CPS1: variants seen among roughly 807,000 people sequenced by gnomAD.
CPS1 encodes the protein carbamoyl-phosphate synthase [ammonia], mitochondrial.
In CPS1, 109 loss-of-function variants were observed where a neutral mutation model predicts 174.6. The ratio of observed to expected loss-of-function variants is 0.62; its 90% CI spans 0.53 to 0.73. The LOEUF (loss-of-function observed/expected upper bound fraction) is 0.73. Ranked by LOEUF, CPS1 falls within the 30% of genes least tolerant of loss-of-function variation. The pLI, the probability that CPS1 is intolerant of heterozygous loss-of-function variation, is 0.00. For synonymous variants in CPS1, 637 were observed against 632.0 expected, an observed-to-expected ratio of 1.01 and a Z score of -0.12; for missense variants, 1,689 against 1,821.9, an observed-to-expected ratio of 0.93 and a Z score of 1.33.
chr2:210,542,700 C>T (rs1297963558), intron 1 of CPS1, among the ~76,000 whole-genome samples: 1 of 152,032 alleles, frequency 6.6e-6, no homozygotes, highest in Non-Finnish European at 1.5e-5. Context: ...ACAAACGTGT[C>T]TTGGGCACCT....
At chr2:210,648,375 A>G (rs188424261) in intron 26 of CPS1, 98 bp from the exon 27 acceptor site, 395 of 1,026,920 alleles carry the variant, frequency 3.8e-4, no homozygotes, top group Non-Finnish European at 5.6e-4. Flanking sequence ...TTAGAGAATA[A>G]AGAAGCTGGG....
intron 2 of CPS1, 113 bp downstream of exon 2, chr2:210,573,520 C>G (rs1204394267): frequency 2.4e-6 from 2 of 848,512 alleles, no homozygotes; most frequent in Non-Finnish European, 4.0e-6. Context: ...TACGTATTGT[C>G]CTGAAGTTGC....
At chr2:210,482,247 G>A (rs1233764758) in intron 1 of CPS1, among the ~76,000 whole-genome samples, 1 of 151,974 alleles carries the variant, frequency 6.6e-6, no homozygotes, top group East Asian at 1.9e-4. Context: ...CAGGAGGTTT[G>A]GGTTGAATCT....
At chr2:210,608,036 G>A (rs1698979908) in intron 18 of CPS1, among the ~76,000 whole-genome samples, 1 of 151,864 alleles carries the variant, frequency 6.6e-6, no homozygotes, top group South Asian at 2.1e-4. Flanking sequence ...TCTCATCTTA[G>A]TGGAGGTTAA....
Position 210,642,466 on chromosome 2 carries a change from A to G in CPS1, c.2960-18A>G. On this transcript the variant is annotated intron_variant, in intron 24 of 37. Transcript: ENST00000233072. ...CGTGCTTCTCTTATCCCTTTTGCCAATCTCATTGTCTCTGCAGGCAGCAGT... is the reference window on the plus strand; with the variant it reads ...CGTGCTTCTCTTATCCCTTTTGCCAGTCTCATTGTCTCTGCAGGCAGCAGT... 3.1e-6 allele frequency: 5 copies of G among 1,613,838 alleles called. No homozygotes were observed. Among genetic ancestry groups the G allele is most frequent in the Non-Finnish European group, 4.2e-6 (5 of 1,179,798 alleles).
chr2:210,520,226 C>T (rs1695786018), intron 1 of CPS1, among the ~76,000 whole-genome samples: 1 of 151,878 alleles, frequency 6.6e-6, no homozygotes, highest in Non-Finnish European at 1.5e-5. Flanking sequence ...ATTTTATGCA[C>T]TTTTGCATAT....
rs67369344 is a variant in CPS1, at chr2:210,535,819, G to GTTTT, written c.4-20883_4-20880dup. 1.2e-3 allele frequency among the ~76,000 whole-genome samples: 141 copies of GTTTT among 118,172 alleles called. 4 individuals carry two copies. Among genetic ancestry groups the GTTTT allele is most frequent in the East Asian group, 6.9e-3 (28 of 4,030 alleles). 77.5% of individuals were successfully genotyped at this position (118,172 alleles called of 152,430 possible). On this transcript the variant is annotated intron_variant, in intron 1 of 38. Coordinates refer to the CPS1 transcript ENST00000430249. The stretch of plus-strand genomic sequence containing the variant: ...TTTAGTCCCTTCTCCCTTTTTCCTT[G>GTTTT]TTTTTTTTTTTTTTTTTTTTGATAA...
intron 1 of CPS1, among the ~76,000 whole-genome samples, chr2:210,545,329 C>T (rs1696532304): frequency 6.6e-6 from 1 of 152,008 alleles, no homozygotes; most frequent in Non-Finnish European, 1.5e-5. Flanking sequence ...TAATTGGATT[C>T]TGATAAGGAG....
At chr2:210,667,528 A>G (rs967218650) in intron 33 of CPS1, among the ~76,000 whole-genome samples, 1 of 152,126 alleles carries the variant, frequency 6.6e-6, no homozygotes, top group Non-Finnish European at 1.5e-5. Flanking sequence ...ATTACTATAT[A>G]TGTTAGTTTG....
chr2:210,610,589 A>G (rs747615953), intron 19 of CPS1, among the ~76,000 whole-genome samples: 9 of 151,964 alleles, frequency 5.9e-5, no homozygotes, highest in Non-Finnish European at 8.8e-5. Context: ...AGCCCATTAT[A>G]GTCATTCCAC....
rs1358360024 is a variant in CPS1, at chr2:210,675,045, T to C, written c.4161+84T>C. 2.9e-6 allele frequency: 3 copies of C among 1,051,850 alleles called. No homozygotes were observed. The African/African-American group carries it at 4.7e-5, about 16-fold the overall frequency. 65.2% of individuals were successfully genotyped at this position (1,051,850 alleles called of 1,614,324 possible). On this transcript the variant is annotated intron_variant, in intron 35 of 37. Coordinates refer to ENST00000233072, the MANE Select transcript of CPS1 (RefSeq NM_001875.5). ...ATATTGCAGAATATTGGAAAAGAAA[T>C]AGCCCAAAATATGTCCTTTTGATAT...
At chr2:210,640,163 T>C in intron 24 of CPS1, 104 bp downstream of exon 24, 5 of 815,212 alleles carry the variant, frequency 6.1e-6, no homozygotes, top group Non-Finnish European at 9.8e-6. Flanking sequence ...ATAAATGCTG[T>C]AATATATGTT....
At chr2:210,492,219 A>C (rs1694893381) in intron 1 of CPS1, among the ~76,000 whole-genome samples, 1 of 152,216 alleles carries the variant, frequency 6.6e-6, no homozygotes, top group African/African-American at 2.4e-5. Flanking sequence ...CTGGCTGGAA[A>C]ACCTTTAGAC....
intron 1 of CPS1, among the ~76,000 whole-genome samples, chr2:210,504,152 A>G (rs1387173632): frequency 1.3e-5 from 2 of 152,072 alleles, no homozygotes; most frequent in Non-Finnish European, 2.9e-5. Flanking sequence ...TGAGTGACAT[A>G]TACTGATGGG....
chr2:210,560,277 G>C (rs1214014609), intron 1 of CPS1, among the ~76,000 whole-genome samples: 3 of 151,874 alleles, frequency 2.0e-5, no homozygotes, highest in Non-Finnish European at 4.4e-5. Context: ...GGAGTATACA[G>C]GAAGAATGAT....
At chr2:210,572,497 A>G (rs1367936211) in intron 1 of CPS1, among the ~76,000 whole-genome samples, 1 of 152,018 alleles carries the variant, frequency 6.6e-6, no homozygotes, top group Non-Finnish European at 1.5e-5. Flanking sequence ...CAGAATTTAG[A>G]GTATTTATAA....
chr2:210,535,499 T>C (rs1001486279), intron 1 of CPS1, among the ~76,000 whole-genome samples: 4 of 152,218 alleles, frequency 2.6e-5, no homozygotes, highest in Non-Finnish European at 5.9e-5. Flanking sequence ...CTCTGGCTCA[T>C]TGGAACCCAC....
chr2:210,541,850 A>G (rs1419406999), intron 1 of CPS1, among the ~76,000 whole-genome samples: 1 of 152,110 alleles, frequency 6.6e-6, no homozygotes, highest in Non-Finnish European at 1.5e-5. Flanking sequence ...TTGATCATGG[A>G]GTATCAGGGT....
chr2:210,577,029 A>G (rs550096372), intron 3 of CPS1: 3 of 282,636 alleles, frequency 1.1e-5, no homozygotes, highest in African/African-American at 4.5e-5. Flanking sequence ...TCAACTGATC[A>G]TTTAACTTAG....
Sources: allele counts gnomAD v4.1 joint callset (sites outside exome capture counted in the v4.1 genomes callset), GRCh38; gene constraint gnomAD v4.1.1; transcripts MANE v1.5; gene names NCBI Gene and HGNC (gene_info 2026-07-23, HGNC 2026-07-21).